PRKCE: variants seen among roughly 807,000 people sequenced by gnomAD.
PRKCE encodes protein kinase C epsilon type.
A neutral mutation model predicts 85.4 loss-of-function variants in PRKCE; 16 were observed. The observed-to-expected ratio is 0.19, with a 90% confidence interval of 0.13 to 0.28. The LOEUF (loss-of-function observed/expected upper bound fraction) is 0.28, where lower values mean the gene tolerates loss of function less well. Ranked by LOEUF, PRKCE falls within the 10% of genes least tolerant of loss-of-function variation. PRKCE has a pLI of 1.00. For synonymous variants in PRKCE, 388 were observed against 371.5 expected (o/e 1.04, Z -0.51); for missense variants, 573 against 975.2 (o/e 0.59, Z 5.49).
chr2:45,881,170 A>G (rs1006324448), intron 2 of PRKCE, among the ~76,000 whole-genome samples: 1 of 151,818 alleles, frequency 6.6e-6, no homozygotes, highest in Non-Finnish European at 1.5e-5. Flanking sequence ...AAAAAAAAAA[A>G]AGATTTCAGG....
chr2:45,802,709 C>T (rs1046963897), intron 1 of PRKCE, among the ~76,000 whole-genome samples: 3 of 152,204 alleles, frequency 2.0e-5, no homozygotes, highest in Non-Finnish European at 4.4e-5. Flanking sequence ...TCTCTGAAAG[C>T]AGAAAGGCTG....
At chr2:45,854,652 C>T (rs890872225) in intron 2 of PRKCE, among the ~76,000 whole-genome samples, 4 of 152,222 alleles carry the variant, frequency 2.6e-5, no homozygotes, top group Non-Finnish European at 5.9e-5. Context: ...ATTTTGAATT[C>T]TCAGATTGAA....
chr2:45,757,341 A>G (rs1684098843), intron 1 of PRKCE, among the ~76,000 whole-genome samples: 1 of 144,446 alleles, frequency 6.9e-6, no homozygotes, highest in South Asian at 2.2e-4. Flanking sequence ...AAGAGTGTTC[A>G]ATTGATTGTG....
At chr2:45,781,835 A>C (rs1212829613) in intron 1 of PRKCE, among the ~76,000 whole-genome samples, 2 of 152,142 alleles carry the variant, frequency 1.3e-5, no homozygotes, top group Non-Finnish European at 2.9e-5. Context: ...GTTAGTTATT[A>C]GAATCATCAA....
intron 5 of PRKCE, among the ~76,000 whole-genome samples, chr2:45,984,101 C>G (rs545768491): frequency 1.3e-5 from 2 of 152,076 alleles, no homozygotes; most frequent in African/African-American, 4.8e-5. Flanking sequence ...CCATGCCCGG[C>G]TAATTTTTGT....
chr2:46,179,088 C>T (rs1679714557), intron 14 of PRKCE, among the ~76,000 whole-genome samples: 1 of 152,098 alleles, frequency 6.6e-6, no homozygotes, highest in Non-Finnish European at 1.5e-5. Context: ...GCTGTCACGC[C>T]AAGCAGAGTT....
intron 5 of PRKCE, among the ~76,000 whole-genome samples, chr2:45,981,462 A>G (rs1260080621): frequency 6.6e-6 from 1 of 152,208 alleles, no homozygotes; most frequent in Non-Finnish European, 1.5e-5. Flanking sequence ...GGCATTTCCC[A>G]TCTTCTCTCT....
intron 2 of PRKCE, among the ~76,000 whole-genome samples, chr2:45,850,587 T>C (rs1229965747): frequency 6.6e-6 from 1 of 152,234 alleles, no homozygotes; most frequent in Non-Finnish European, 1.5e-5. Flanking sequence ...TACTTTATTC[T>C]TTTATCCAGT....
chr2:46,085,025 C>A (rs1035866215), intron 10 of PRKCE, among the ~76,000 whole-genome samples: 1 of 152,068 alleles, frequency 6.6e-6, no homozygotes, highest in Non-Finnish European at 1.5e-5. Context: ...TCATTTTGTC[C>A]ATTTCCCATC....
At chr2:45,673,442 C>T (rs1676271191) in intron 1 of PRKCE, among the ~76,000 whole-genome samples, 1 of 152,156 alleles carries the variant, frequency 6.6e-6, no homozygotes, top group Non-Finnish European at 1.5e-5. Context: ...GTGTTTCCAA[C>T]TGTATTTGAT....
intron 6 of PRKCE, among the ~76,000 whole-genome samples, chr2:45,996,280 G>A (rs1398486020): frequency 6.6e-6 from 1 of 152,042 alleles, no homozygotes. Context: ...TTTCTACATG[G>A]ACAATCATAT....
Position 46,052,394 on chromosome 2 carries a change from G to A in PRKCE, c.1438-33814G>A, listed in dbSNP as rs919791376. On this transcript the variant is annotated intron_variant, in intron 10 of 14. Coordinates refer to ENST00000306156, the MANE Select transcript of PRKCE (RefSeq NM_005400.3). ...CAAAATTAAGAAAACAGTTCCATTCGCAAAGACATCAAAAAGACTTAATTG... is the reference window on the plus strand; with the variant it reads ...CAAAATTAAGAAAACAGTTCCATTCACAAAGACATCAAAAAGACTTAATTG... Among the ~76,000 whole-genome samples the A allele has an allele frequency of 4.6e-5, 7 of 152,250 alleles. No individual in the cohort carries two copies. The East Asian group carries it at 7.7e-4, about 17-fold the overall frequency.
At position 45,652,289 on chromosome 2, in the gene PRKCE, G is replaced by A. The variant is rs1675159588; in HGVS notation, c.189G>A (p.Pro63=). 6.2e-7 allele frequency: 1 copy of A among 1,613,486 alleles called. No homozygotes were observed. The highest frequency in any genetic ancestry group is 1.1e-5 in the South Asian group (1 of 91,080). Residue 63 remains proline (P), a synonymous_variant, in exon 1 of 15, where the codon CCG becomes CCA. Coordinates refer to ENST00000306156, the MANE Select transcript of PRKCE (RefSeq NM_005400.3). This position sits in a 1 kb window ranked among gnomAD's most constrained non-coding sequence, Gnocchi z 7.7. ...CCACCAAGCAGAAGACCAACAGCCC[G>A]GCCTGGCACGACGAGTTCGTCACCG... ...QTATKQKTNS[P]AWHDEFVTDV...
chr2:45,916,671 A>C (rs1029365341), intron 2 of PRKCE, among the ~76,000 whole-genome samples: 2 of 152,208 alleles, frequency 1.3e-5, no homozygotes, highest in Non-Finnish European at 2.9e-5. Flanking sequence ...CTCTTAGATT[A>C]CAGTACATTT....
At chr2:45,770,814 T>C (rs1685260565) in intron 1 of PRKCE, 1 of 151,862 alleles carries the variant, frequency 6.6e-6, no homozygotes, top group Non-Finnish European at 1.5e-5. Context: ...GTGGAGACAA[T>C]GAGCTCCTTA....
At chr2:46,158,727 A>C (rs1677456054) in intron 13 of PRKCE, among the ~76,000 whole-genome samples, 1 of 152,250 alleles carries the variant, frequency 6.6e-6, no homozygotes, top group Non-Finnish European at 1.5e-5. Flanking sequence ...TTTTGTCTCT[A>C]ACACTCATGC....
intron 2 of PRKCE, among the ~76,000 whole-genome samples, chr2:45,903,427 G>T (rs1328481063): frequency 1.3e-5 from 2 of 152,184 alleles, no homozygotes; most frequent in Non-Finnish European, 2.9e-5. Flanking sequence ...CATCCCCATG[G>T]GACAGGGTTG....
chr2:45,884,989 A>ATTTTT (rs1165943024), intron 2 of PRKCE, among the ~76,000 whole-genome samples: 1 of 61,700 alleles, frequency 1.6e-5, no homozygotes, highest in East Asian at 1.7e-3. Flanking sequence ...ATATATATAT[A>ATTTTT]TATATATATA....
chr2:45,935,073 A>ACACACACACG (rs913264963), intron 2 of PRKCE, among the ~76,000 whole-genome samples: 1 of 150,020 alleles, frequency 6.7e-6, no homozygotes, highest in Non-Finnish European at 1.5e-5. Flanking sequence ...TCTCTCACAC[A>ACACACACACG]CACACACACA....
Sources: allele counts gnomAD v4.1 joint callset (sites outside exome capture counted in the v4.1 genomes callset), GRCh38; gene constraint gnomAD v4.1.1; non-coding constraint Gnocchi (gnomAD v3.1); transcripts MANE v1.5; gene names NCBI Gene and HGNC (gene_info 2026-07-23, HGNC 2026-07-21).